Variants in ZFHX3 observed in about 807,000 individuals in gnomAD.
The protein encoded by ZFHX3 is zinc finger homeobox 3, also known as zinc finger homeobox protein 3.
ZFHX3 carries 42 observed loss-of-function variants against 279.1 expected under a neutral mutation model. That is an observed-to-expected ratio of 0.15 (90% CI 0.12 to 0.19). The LOEUF (loss-of-function observed/expected upper bound fraction) is 0.19, where lower values mean the gene tolerates loss of function less well. ZFHX3 is among the 10% of genes least tolerant of loss of function. ZFHX3 has a pLI of 1.00. For synonymous variants in ZFHX3, 2,293 were observed against 1,957.8 expected (o/e 1.17, Z -4.52); for missense variants, 4,981 against 4,754.0 (o/e 1.05, Z -1.40).
chr16:73,519,815 T>C (rs1333745763), intron 2 of ZFHX3, among the ~76,000 whole-genome samples: 1 of 152,188 alleles, frequency 6.6e-6, no homozygotes, highest in Non-Finnish European at 1.5e-5. Context: ...ACCATTTGAT[T>C]AGCAAACCGT....
chr16:73,144,449 A>T (rs1266066066), intron 5 of ZFHX3: 1 of 152,238 alleles, frequency 6.6e-6, no homozygotes, highest in Non-Finnish European at 1.5e-5. Context: ...TACAAATCCA[A>T]AGGAAACCCC....
intron 2 of ZFHX3, among the ~76,000 whole-genome samples, chr16:73,619,324 T>C: frequency 6.6e-6 from 1 of 151,524 alleles, no homozygotes; most frequent in East Asian, 1.9e-4. Flanking sequence ...CCGTCTCTAC[T>C]AAAAATACAA....
chr16:73,888,818 G>A (rs2030433066), intron 1 of ZFHX3, among the ~76,000 whole-genome samples: 1 of 152,056 alleles, frequency 6.6e-6, no homozygotes, highest in Non-Finnish European at 1.5e-5. Context: ...CCACCTTGGA[G>A]GTCTAGTTAA....
chr16:73,808,252 T>G (rs190971350), intron 1 of ZFHX3, among the ~76,000 whole-genome samples: 1 of 152,312 alleles, frequency 6.6e-6, no homozygotes, highest in Admixed American at 6.5e-5. Flanking sequence ...AACTTCTTTG[T>G]GAGAATAATT....
chr16:72,981,893 T>C (rs11647245), intron 1 of ZFHX3, among the ~76,000 whole-genome samples: 22,415 of 149,190 alleles, frequency 0.15, 1,644 homozygotes, highest in Non-Finnish European at 0.19. Context: ...TTTTTTTTTT[T>C]TTTTCCTGAG....
intron 5 of ZFHX3, among the ~76,000 whole-genome samples, chr16:73,214,523 C>T (rs367800207): frequency 1.1e-4 from 17 of 152,114 alleles, no homozygotes; most frequent in African/African-American, 4.1e-4. Flanking sequence ...AGATATAGAC[C>T]AGGATGCTCT....
intron 5 of ZFHX3, among the ~76,000 whole-genome samples, chr16:73,210,896 T>G (rs1173005698): frequency 6.6e-6 from 1 of 152,140 alleles, no homozygotes; most frequent in African/African-American, 2.4e-5. Flanking sequence ...GATGCACAGA[T>G]AGCAAAACCA....
chr16:73,780,503 C>G (rs1959431849), intron 1 of ZFHX3, among the ~76,000 whole-genome samples: 1 of 150,686 alleles, frequency 6.6e-6, no homozygotes, highest in African/African-American at 2.4e-5. Flanking sequence ...AGTACAGTGG[C>G]ATGATCACGG....
Position 73,014,518 on chromosome 16 carries a change from C to CTTTTTTTT in ZFHX3, c.-50+33226_-50+33233dup, listed in dbSNP as rs1000108439. ...AACAAGTTTGTGGTAATTTCTTCTT[C>CTTTTTTTT]TTTTTTTTTTTTTTTTTTTTTTTTT... On this transcript the variant is annotated intron_variant, in intron 1 of 9. Coordinates refer to ENST00000268489, the MANE Select transcript of ZFHX3 (RefSeq NM_006885.4). The CTTTTTTTT allele has an allele frequency of 1.8e-3, 116 of 63,402 alleles. 4 individuals carry two copies. The highest frequency in any genetic ancestry group is 2.3e-3 in the Non-Finnish European group (78 of 34,416). The allele number at this position is 63,402 out of a possible 1,614,324, so 3.9% of individuals were successfully genotyped here.
At chr16:73,471,675 C>A (rs917808048) in intron 2 of ZFHX3, among the ~76,000 whole-genome samples, 12 of 152,048 alleles carry the variant, frequency 7.9e-5, no homozygotes, top group Non-Finnish European at 1.3e-4. Context: ...CTCAGGGGAC[C>A]CTTTAGGGGT....
At chr16:72,877,838 T>G (rs918254525) in intron 4 of ZFHX3, among the ~76,000 whole-genome samples, 1 of 152,202 alleles carries the variant, frequency 6.6e-6, no homozygotes, top group Non-Finnish European at 1.5e-5. Flanking sequence ...GGCGCCTCTA[T>G]TTCCTGCCCA....
At chr16:73,374,224 C>T (rs770079452) in intron 3 of ZFHX3, among the ~76,000 whole-genome samples, 14 of 152,302 alleles carry the variant, frequency 9.2e-5, no homozygotes, top group South Asian at 2.1e-4. Flanking sequence ...AACATATATA[C>T]AGACATATAT....
intron 3 of ZFHX3, among the ~76,000 whole-genome samples, chr16:72,921,622 GT>G (rs2039586866): frequency 1.3e-5 from 2 of 152,336 alleles, no homozygotes; most frequent in Admixed American, 1.3e-4. Context: ...GACAGTTGGC[GT>G]GGCCTCGCCT....
chr16:73,301,725 A>T (rs573226922), intron 4 of ZFHX3, among the ~76,000 whole-genome samples: 4 of 151,336 alleles, frequency 2.6e-5, no homozygotes, highest in African/African-American at 9.7e-5. Flanking sequence ...CTTTCACCTC[A>T]TGATTATATT....
intron 1 of ZFHX3, among the ~76,000 whole-genome samples, chr16:73,818,445 A>G (rs1439068291): frequency 6.6e-6 from 1 of 152,208 alleles, no homozygotes; most frequent in East Asian, 1.9e-4. Flanking sequence ...CAAATGGCAT[A>G]TATGAGAGGT....
intron 1 of ZFHX3, among the ~76,000 whole-genome samples, chr16:73,718,235 AC>A (rs1216496652): frequency 1.3e-5 from 2 of 152,114 alleles, no homozygotes; most frequent in Non-Finnish European, 2.9e-5. Context: ...ACATGGCAAA[AC>A]CCTGTCTCTA....
intron 2 of ZFHX3, among the ~76,000 whole-genome samples, chr16:73,541,321 C>A (rs11643377): frequency 1.3e-5 from 2 of 151,848 alleles, no homozygotes; most frequent in South Asian, 2.1e-4. Flanking sequence ...CTCATCTCTA[C>A]GACAAATTTA....
chr16:72,788,840 A>G lies in ZFHX3; in HGVS notation c.9436T>C (p.Ser3146Pro). ...AGACCCATCAAGTTCGGCTTAGGAG[A>G]CGTTAAAGCTGAAAGGAATGGAGAC... ...GFTPSNTALT[S>P]PKPNLMGLPS... Residue 3146 changes from serine to proline, a missense_variant, in exon 10 of 10, where the codon TCT becomes CCT. Coordinates refer to ENST00000268489, the MANE Select transcript of ZFHX3 (RefSeq NM_006885.4). The G allele has an allele frequency of 6.6e-7, 1 of 1,518,870 alleles. No homozygotes were observed. The highest frequency in any genetic ancestry group is 1.4e-5 in the African/African-American group (1 of 71,718). The allele number at this position is 1,518,870 out of a possible 1,614,324, so 94.1% of individuals were successfully genotyped here.
chr16:73,707,614 T>A (rs1038044526), intron 1 of ZFHX3, among the ~76,000 whole-genome samples: 14 of 137,158 alleles, frequency 1.0e-4, no homozygotes, highest in African/African-American at 3.7e-4. Flanking sequence ...GGGGGAGGGA[T>A]AGCATTAGGA....
Sources: allele counts gnomAD v4.1 joint callset (sites outside exome capture counted in the v4.1 genomes callset), GRCh38; gene constraint gnomAD v4.1.1; transcripts MANE v1.5; gene names NCBI Gene and HGNC (gene_info 2026-07-23, HGNC 2026-07-21).